The following CPAMD8 variants were observed in gnomAD, a reference collection of about 807,000 sequenced individuals.
CPAMD8 encodes the protein C3 and PZP like alpha-2-macroglobulin domain containing 8.
CPAMD8 carries 146 observed loss-of-function variants against 224.7 expected under a neutral mutation model. The ratio of observed to expected loss-of-function variants is 0.65; its 90% CI spans 0.57 to 0.75. The LOEUF (loss-of-function observed/expected upper bound fraction) is 0.75. Ranked by LOEUF, CPAMD8 falls within the 30% of genes least tolerant of loss-of-function variation. The pLI, the probability that CPAMD8 is intolerant of heterozygous loss-of-function variation, is 0.00. For synonymous variants in CPAMD8, 966 were observed against 1,044.6 expected, an observed-to-expected ratio of 0.92 and a Z score of 1.45; for missense variants, 2,301 against 2,537.5, an observed-to-expected ratio of 0.91 and a Z score of 2.00.
rs1458861182 is a variant in CPAMD8 at position 16,986,880 on chromosome 19, G to A, written c.1395+2763C>T. Among the ~76,000 whole-genome samples, 6 of 152,034 alleles carry A rather than the reference G, an allele frequency of 3.9e-5. 1 individual carries two copies. In the East Asian group the frequency reaches 1.2e-3, roughly 30 times the overall value. On this transcript the variant is annotated intron_variant, in intron 13 of 41. Coordinates refer to ENST00000443236, the MANE Select transcript of CPAMD8 (RefSeq NM_015692.5). ...CTTAAATATAGATGTGTATGGCCAG[G>A]CGCGGTGGCTCACGCCTGTAATCCC...
intron 29 of CPAMD8, among the ~76,000 whole-genome samples, chr19:16,909,075 C>G (rs1183438501): frequency 1.3e-5 from 2 of 152,170 alleles, no homozygotes; most frequent in Non-Finnish European, 2.9e-5. Context: ...CCCAGCTCAT[C>G]TGATTCCAGC....
intron 29 of CPAMD8, 134 bp downstream of exon 29, chr19:16,914,290 A>G: frequency 3.0e-6 from 2 of 674,188 alleles, no homozygotes; most frequent in East Asian, 5.4e-5. Flanking sequence ...GTTGATGAAA[A>G]GCATGAAAAA....
chr19:16,906,335 TCC>T (rs2052477309), intron 30 of CPAMD8, among the ~76,000 whole-genome samples: 1 of 140,508 alleles, frequency 7.1e-6, no homozygotes, highest in African/African-American at 2.8e-5. Flanking sequence ...CTTCCTTCTT[TCC>T]CTTTCTTTCT....
intron 27 of CPAMD8, among the ~76,000 whole-genome samples, chr19:16,917,432 G>A (rs954541744): frequency 3.3e-5 from 5 of 152,116 alleles, no homozygotes; most frequent in African/African-American, 1.2e-4. Flanking sequence ...AATTTTTCTG[G>A]AAACCTAGAA....
At chr19:16,934,847 G>A (rs2053639955) in intron 23 of CPAMD8, among the ~76,000 whole-genome samples, 1 of 151,924 alleles carries the variant, frequency 6.6e-6, no homozygotes, top group Non-Finnish European at 1.5e-5. Flanking sequence ...ATTTTTCAGG[G>A]TAGAGTTCAA....
chr19:16,947,546 A>G (rs1033946597), intron 20 of CPAMD8, among the ~76,000 whole-genome samples: 1 of 152,148 alleles, frequency 6.6e-6, no homozygotes, highest in African/African-American at 2.4e-5. Flanking sequence ...CCTCTCCTGC[A>G]TGTCCATCCA....
intron 18 of CPAMD8, among the ~76,000 whole-genome samples, chr19:16,964,276 A>G (rs2054751033): frequency 6.6e-6 from 1 of 152,184 alleles, no homozygotes; most frequent in African/African-American, 2.4e-5. Context: ...AGATCAACAA[A>G]ATTGATAGAC....
chr19:16,987,053 G>A (rs1258649518), intron 13 of CPAMD8, among the ~76,000 whole-genome samples: 1 of 148,998 alleles, frequency 6.7e-6, no homozygotes, highest in Non-Finnish European at 1.5e-5. Context: ...CAGCTACTCG[G>A]GAGGCTGAGG....
At position 17,022,176 on chromosome 19, in the gene CPAMD8, T is replaced by A. The variant is rs780943697; in HGVS notation, c.98A>T (p.Tyr33Phe). The change falls in exon 2 of 42, where the codon TAC (tyrosine) becomes TTC (phenylalanine). Residue 33 changes from tyrosine (Y) to phenylalanine (F), a missense_variant. By Grantham distance (22) the Tyr-to-Phe change is conservative. Around this residue, in one of 4 missense-constraint regions of CPAMD8, gnomAD observed 283 missense variants for 340.6 expected, o/e 0.83. Transcript: ENST00000443236. ...AAAAACAGAGGGAGCTGCAATCAAG[T>A]AACCCCTGCAGGAAAGGAGATCCGA... ...VRAAQPQAPG[Y>F]LIAAPSVFRA... is the part of the protein sequence containing the mutation. 7 of 1,609,742 alleles carry A rather than the reference T, an allele frequency of 4.3e-6. No homozygotes were observed. The East Asian group carries it at 1.3e-4, about 31-fold the overall frequency.
intron 11 of CPAMD8, among the ~76,000 whole-genome samples, chr19:16,994,945 G>T (rs910886242): frequency 5.9e-5 from 9 of 152,178 alleles, no homozygotes; most frequent in Admixed American, 5.2e-4. Context: ...GGGACTACAG[G>T]CATGAGCCAC....
chr19:16,953,110 T>G (rs906306016), intron 19 of CPAMD8, among the ~76,000 whole-genome samples: 1 of 152,130 alleles, frequency 6.6e-6, no homozygotes, highest in Non-Finnish European at 1.5e-5. Context: ...CAAGATACTT[T>G]AGGGAAAAGA....
chr19:16,896,438 G>T lies in CPAMD8; in HGVS notation c.5275+18C>A, dbSNP rs1271757028. 2 of 1,463,680 alleles carry T rather than the reference G, an allele frequency of 1.4e-6. No homozygotes were observed. Among genetic ancestry groups the T allele is most frequent in the East Asian group, 2.5e-5 (1 of 40,288 alleles). 90.7% of individuals were successfully genotyped at this position (1,463,680 alleles called of 1,614,324 possible). On this transcript the variant is annotated intron_variant, in intron 40 of 41. Coordinates refer to ENST00000443236, the MANE Select transcript of CPAMD8 (RefSeq NM_015692.5). ...AGCGATGGTGTCCCCGAGGCTAGGCGGGGGGTAGGGTCCTCACCGAGGGCG... is the reference window on the plus strand; with the variant it reads ...AGCGATGGTGTCCCCGAGGCTAGGCTGGGGGTAGGGTCCTCACCGAGGGCG...
At chr19:16,926,988 G>C (rs2053387304) in intron 25 of CPAMD8, among the ~76,000 whole-genome samples, 2 of 152,040 alleles carry the variant, frequency 1.3e-5, no homozygotes, top group Admixed American at 1.3e-4. Flanking sequence ...CCCTCATTTG[G>C]GTCTGTCCAT....
Position 17,011,500 on chromosome 19 carries a change from G to A in CPAMD8, c.450C>T (p.Phe150=), listed in dbSNP as rs2056647777. The A allele has an allele frequency of 4.3e-6, 7 of 1,614,116 alleles. No individual in the cohort carries two copies. The highest frequency in any genetic ancestry group is 5.9e-6 in the Non-Finnish European group (7 of 1,180,052). Residue 150 remains phenylalanine, a synonymous_variant, in exon 5 of 42, where the codon TTC becomes TTT. Transcript: ENST00000443236. ...CAGGCCTCAGATTTGGAGAGACGGT[G>A]AAGATGCTTATGAGCACTAGAAGAA... ...RPQHRVLISI[F]TVSPNLRPVN...
Position 16,928,380 on chromosome 19 carries a change from A to G in CPAMD8, c.3145-146T>C, listed in dbSNP as rs141454981. The G allele has an allele frequency of 6.6e-4, 419 of 631,856 alleles. 2 individuals are homozygous for G. In the African/African-American group the frequency reaches 6.7e-3, roughly 10 times the overall value. 39.1% of individuals were successfully genotyped at this position (631,856 alleles called of 1,614,324 possible). On this transcript the variant is annotated intron_variant, in intron 24 of 41. Transcript: ENST00000443236. ...AAGGGTCTTCGGGGAGTCAGAGGTG[A>G]GAGAAATCAGGTTACCCCATCCATT...
chr19:17,015,609 A>G (rs898425612), intron 3 of CPAMD8, among the ~76,000 whole-genome samples: 1 of 152,136 alleles, frequency 6.6e-6, no homozygotes, highest in Non-Finnish European at 1.5e-5. Flanking sequence ...TTCTGACTGC[A>G]GTTTCCCCGT....
chr19:16,920,535 C>T (rs989042648), intron 27 of CPAMD8, among the ~76,000 whole-genome samples: 19 of 151,276 alleles, frequency 1.3e-4, no homozygotes, highest in East Asian at 7.9e-4. Flanking sequence ...GTTTAATCCC[C>T]GGAAGATGCT....
chr19:17,007,890 G>A lies in CPAMD8; in HGVS notation c.559+615C>T, dbSNP rs181279425. Among the ~76,000 whole-genome samples, 855 of 152,324 alleles carry A rather than the reference G, an allele frequency of 5.6e-3. 9 individuals carry two copies. The highest frequency in any genetic ancestry group is 0.019 in the African/African-American group (773 of 41,576). On this transcript the variant is annotated intron_variant, in intron 7 of 41. Transcript: ENST00000443236. ...AGCAGGAAGAAGCTGGGAGCAGGCCGGGCGTGGTGGCTCACGCCTGTAATC... is the reference window on the plus strand; with the variant it reads ...AGCAGGAAGAAGCTGGGAGCAGGCCAGGCGTGGTGGCTCACGCCTGTAATC...
chr19:16,975,954 G>A, intron 16 of CPAMD8, 48 bp downstream of exon 16: 2 of 1,457,682 alleles, frequency 1.4e-6, no homozygotes, highest in Non-Finnish European at 1.8e-6. Context: ...GCAAGAGAAG[G>A]TAAAGCCCCG....
Sources: gnomAD v4.1 joint callset for allele counts (sites outside exome capture counted in the v4.1 genomes callset) on GRCh38, gnomAD v4.1.1 for gene constraint, gnomAD v4.1.1 regional missense constraint, MANE v1.5 for transcripts, NCBI Gene and HGNC (gene_info 2026-07-23, HGNC 2026-07-21) for gene names.